RBFOX1: variants seen among roughly 807,000 people sequenced by gnomAD.
The protein encoded by RBFOX1 is RNA binding protein fox-1 homolog 1.
Under a neutral mutation model 57.7 loss-of-function variants are expected in RBFOX1, and 8 were observed. That is an observed-to-expected ratio of 0.14 (90% CI 0.08 to 0.25). RBFOX1 has a LOEUF of 0.25. Among genes scored for constraint, RBFOX1 ranks in the 10% least tolerant of loss-of-function variants. The probability of loss-of-function intolerance (pLI) is 1.00; values close to 1 mark genes in which losing one functional copy is unlikely to be tolerated. For synonymous variants in RBFOX1, 326 were observed against 222.4 expected, an observed-to-expected ratio of 1.47 and a Z score of -4.15; for missense variants, 611 against 548.5, an observed-to-expected ratio of 1.11 and a Z score of -1.14.
intron 2 of RBFOX1, among the ~76,000 whole-genome samples, chr16:6,377,215 A>G (rs990278576): frequency 6.7e-6 from 1 of 150,086 alleles, no homozygotes; most frequent in Non-Finnish European, 1.5e-5. Context: ...TGGAGGTTGC[A>G]GTGAGCCAAG....
chr16:6,778,341 C>T (rs1460154359), intron 3 of RBFOX1, among the ~76,000 whole-genome samples: 1 of 152,112 alleles, frequency 6.6e-6, no homozygotes, highest in Non-Finnish European at 1.5e-5. Context: ...TCCCCAGATT[C>T]GATAATTAAA....
intron 3 of RBFOX1, among the ~76,000 whole-genome samples, chr16:6,715,873 C>G (rs2064713030): frequency 6.6e-6 from 1 of 152,246 alleles, no homozygotes; most frequent in South Asian, 2.1e-4. Flanking sequence ...GTATGAAGCC[C>G]CTTTGGGGTC....
chr16:7,218,784 C>G (rs2092479207), intron 4 of RBFOX1, among the ~76,000 whole-genome samples: 9 of 150,350 alleles, frequency 6.0e-5, no homozygotes. Context: ...TTTTTCTCTT[C>G]TACTGCACGA....
chr16:7,301,265 GT>G (rs1426010584), intron 4 of RBFOX1, among the ~76,000 whole-genome samples: 1 of 152,202 alleles, frequency 6.6e-6, no homozygotes, highest in Non-Finnish European at 1.5e-5. Context: ...CCTTAATATA[GT>G]TGCAGTGTTT....
Position 6,272,883 on chromosome 16 carries a change from C to A in RBFOX1, c.-126-44112C>A, listed in dbSNP as rs75018530. On this transcript the variant is annotated intron_variant, in intron 1 of 15. Coordinates refer to ENST00000550418, the MANE Select transcript of RBFOX1 (RefSeq NM_018723.4). ...TACTAGAGAAACTGGGAATTCTTGA[C>A]CAAAATTTTACATTTTATACAAAAA... Among the ~76,000 whole-genome samples, 1,406 of 152,138 alleles carry A rather than the reference C, an allele frequency of 9.2e-3. 27 individuals are homozygous for A. The highest frequency in any genetic ancestry group is 0.032 in the African/African-American group (1,316 of 41,458).
intron 3 of RBFOX1, among the ~76,000 whole-genome samples, chr16:5,637,072 C>T (rs914349876): frequency 3.3e-5 from 5 of 152,172 alleles, no homozygotes; most frequent in African/African-American, 1.2e-4. Context: ...TCTGCAAATC[C>T]CCTTATTATC....
chr16:7,067,296 A>G (rs2056295762), intron 4 of RBFOX1, among the ~76,000 whole-genome samples: 1 of 97,094 alleles, frequency 1.0e-5, no homozygotes, highest in Admixed American at 1.0e-4. Context: ...TTGTGGCCCT[A>G]ACAAATTACC....
chr16:6,916,833 T>G (rs1341276271), intron 3 of RBFOX1, among the ~76,000 whole-genome samples: 1 of 152,106 alleles, frequency 6.6e-6, no homozygotes, highest in African/African-American at 2.4e-5. Flanking sequence ...TGATCTTGTT[T>G]TTTTATTTGT....
chr16:7,051,914 G>T, intron 3 of RBFOX1, 143 bp from the exon 4 acceptor site: 4 of 1,272,086 alleles, frequency 3.1e-6, no homozygotes, highest in South Asian at 2.9e-5. Context: ...GAGCTATGTA[G>T]ACCTAAAGAA....
chr16:7,680,192 G>C (rs1162083009), intron 14 of RBFOX1, among the ~76,000 whole-genome samples: 8 of 152,180 alleles, frequency 5.3e-5, no homozygotes, highest in Admixed American at 1.3e-4. Flanking sequence ...CTGGGGGCAG[G>C]CTTCTCTTTA....
At chr16:7,487,254 G>C (rs1186418190) in intron 4 of RBFOX1, among the ~76,000 whole-genome samples, 3 of 152,130 alleles carry the variant, frequency 2.0e-5, no homozygotes, top group Admixed American at 2.0e-4. Flanking sequence ...TTTCCTCCAA[G>C]ACATCCACAT....
chr16:6,405,674 A>C (rs1241318588), intron 2 of RBFOX1, among the ~76,000 whole-genome samples: 1 of 152,194 alleles, frequency 6.6e-6, no homozygotes, highest in Non-Finnish European at 1.5e-5. Flanking sequence ...CATAATATCT[A>C]ACACAAGGGT....
intron 3 of RBFOX1, among the ~76,000 whole-genome samples, chr16:6,854,636 C>A (rs963848147): frequency 1.5e-5 from 2 of 129,878 alleles, no homozygotes; most frequent in African/African-American, 3.2e-5. Flanking sequence ...GCTGTTTTGC[C>A]CAGGCTGGAG....
intron 1 of RBFOX1, among the ~76,000 whole-genome samples, chr16:6,222,781 A>G (rs997328261): frequency 2.0e-5 from 3 of 151,430 alleles, no homozygotes; most frequent in Non-Finnish European, 4.4e-5. Context: ...TACATGTGCC[A>G]TGGTGGTGTG....
Position 5,338,255 on chromosome 16 carries a change from G to A in RBFOX1, c.219+98150G>A, listed in dbSNP as rs1158183306. 3.0e-4 allele frequency among the ~76,000 whole-genome samples: 46 copies of A among 152,054 alleles called. 1 individual carries two copies. Among genetic ancestry groups the A allele is most frequent in the Admixed American group, 3.0e-3 (46 of 15,260 alleles). ...TTTATTCCACGACCTCAGAATCTTG[G>A]CCATAGCTGATTGAGCCAGAGATGG... On this transcript the variant is annotated intron_variant, in intron 1 of 2. Coordinates refer to the RBFOX1 transcript ENST00000585867.
chr16:7,178,931 G>C (rs1265743884), intron 4 of RBFOX1, among the ~76,000 whole-genome samples: 1 of 152,102 alleles, frequency 6.6e-6, no homozygotes, highest in African/African-American at 2.4e-5. Flanking sequence ...TAATAGTGAA[G>C]TCTCTCTCTG....
chr16:5,390,933 G>A (rs1255915646), intron 1 of RBFOX1, among the ~76,000 whole-genome samples: 2 of 152,154 alleles, frequency 1.3e-5, no homozygotes, highest in South Asian at 2.1e-4. Flanking sequence ...AGATGCCAGT[G>A]GTGCGTTTGG....
intron 2 of RBFOX1, among the ~76,000 whole-genome samples, chr16:6,606,044 G>A (rs2097920762): frequency 6.6e-6 from 1 of 152,070 alleles, no homozygotes; most frequent in African/African-American, 2.4e-5. Context: ...AGGAGGTGGA[G>A]GTTGCAATGA....
At chr16:7,000,753 C>T (rs552940516) in intron 3 of RBFOX1, among the ~76,000 whole-genome samples, 58 of 151,672 alleles carry the variant, frequency 3.8e-4, no homozygotes, top group Admixed American at 2.2e-3. Context: ...TACAGGTGTC[C>T]GCCATCATGC....
Sources: gnomAD v4.1 joint callset for allele counts (sites outside exome capture counted in the v4.1 genomes callset) on GRCh38, gnomAD v4.1.1 for gene constraint, MANE v1.5 for transcripts, NCBI Gene and HGNC (gene_info 2026-07-23, HGNC 2026-07-21) for gene names.